Variants in ZMYM4 observed in about 807,000 individuals in gnomAD.
The protein encoded by ZMYM4 is zinc finger MYM-type containing 4, also known as zinc finger MYM-type protein 4.
Under a neutral mutation model 183.2 loss-of-function variants are expected in ZMYM4, and 31 were observed. The observed-to-expected ratio is 0.17, with a 90% CI of 0.13 to 0.23. ZMYM4 has a LOEUF of 0.23. Ranked by LOEUF, ZMYM4 falls within the 10% of genes least tolerant of loss-of-function variation. ZMYM4 has a pLI of 1.00. For missense variants in ZMYM4, 1,273 were observed against 1,840.3 expected, an observed-to-expected ratio of 0.69 and a Z score of 5.64; for synonymous variants, 592 against 631.2, an observed-to-expected ratio of 0.94 and a Z score of 0.93.
intron 2 of ZMYM4, among the ~76,000 whole-genome samples, chr1:35,348,975 A>G (rs186576651): frequency 2.0e-5 from 3 of 152,186 alleles, no homozygotes; most frequent in East Asian, 3.9e-4. Context: ...AAGATGGCCT[A>G]TATGGTTGTG....
At chr1:35,364,407 C>T (rs1254034568) in intron 5 of ZMYM4, among the ~76,000 whole-genome samples, 1 of 152,170 alleles carries the variant, frequency 6.6e-6, no homozygotes, top group East Asian at 1.9e-4. Flanking sequence ...CTAGAAATCC[C>T]CCAGAGCAGC....
chr1:35,411,791 G>T (rs1357996778), intron 26 of ZMYM4, among the ~76,000 whole-genome samples: 1 of 152,110 alleles, frequency 6.6e-6, no homozygotes, highest in African/African-American at 2.4e-5. Flanking sequence ...GTTTTTTGTG[G>T]TTTTAAGTGT....
chr1:35,417,956 G>C (rs985558877), intron 28 of ZMYM4, among the ~76,000 whole-genome samples: 3 of 151,976 alleles, frequency 2.0e-5, no homozygotes, highest in African/African-American at 7.3e-5. Flanking sequence ...TGCAGTGAGC[G>C]GAGATTTCGC....
At chr1:35,269,335 A>G (rs1400537050) in intron 1 of ZMYM4, among the ~76,000 whole-genome samples, 2 of 152,048 alleles carry the variant, frequency 1.3e-5, no homozygotes, top group Non-Finnish European at 2.9e-5. Flanking sequence ...GACGTTCCCC[A>G]GCACTGGGGT....
At chr1:35,399,145 A>G in intron 22 of ZMYM4, 102 bp downstream of exon 22, 1 of 1,199,886 alleles carries the variant, frequency 8.3e-7, no homozygotes, top group Non-Finnish European at 1.2e-6. Flanking sequence ...ATTGATAATA[A>G]CAGTGTAATG....
chr1:35,411,447 G>GC (rs1216478797), intron 26 of ZMYM4, among the ~76,000 whole-genome samples: 1 of 152,058 alleles, frequency 6.6e-6, no homozygotes, highest in African/African-American at 2.4e-5. Flanking sequence ...GAGCCACTGT[G>GC]CCCGGCCCTA....
chr1:35,346,650 C>CAAAAAAAA (rs746472685), intron 2 of ZMYM4, among the ~76,000 whole-genome samples: 3 of 54,160 alleles, frequency 5.5e-5, no homozygotes, highest in Non-Finnish European at 1.0e-4. Flanking sequence ...GACTCCATCT[C>CAAAAAAAA]AAAAAAAAAA....
At chr1:35,394,346 C>A (rs1045738713) in intron 18 of ZMYM4, among the ~76,000 whole-genome samples, 1 of 151,610 alleles carries the variant, frequency 6.6e-6, no homozygotes, top group Non-Finnish European at 1.5e-5. Flanking sequence ...TCCCAGTGTT[C>A]TTGGCCTGCT....
intron 5 of ZMYM4, among the ~76,000 whole-genome samples, chr1:35,363,163 T>C (rs991151296): frequency 6.6e-6 from 1 of 151,378 alleles, no homozygotes; most frequent in African/African-American, 2.4e-5. Context: ...AGAGTGAGAC[T>C]TTTTTTTTGG....
At chr1:35,279,073 G>T (rs1419972901) in intron 1 of ZMYM4, among the ~76,000 whole-genome samples, 1 of 152,140 alleles carries the variant, frequency 6.6e-6, no homozygotes, top group African/African-American at 2.4e-5. Flanking sequence ...TGCCCTCTGG[G>T]CCCATGGAGG....
chr1:35,324,267 T>C (rs544498316), intron 1 of ZMYM4, among the ~76,000 whole-genome samples: 7 of 152,210 alleles, frequency 4.6e-5, no homozygotes, highest in African/African-American at 1.4e-4. Flanking sequence ...AATTATCTTT[T>C]CCAACTTTTT....
At chr1:35,312,040 C>T (rs976506241) in intron 1 of ZMYM4, among the ~76,000 whole-genome samples, 2 of 152,152 alleles carry the variant, frequency 1.3e-5, no homozygotes, top group African/African-American at 4.8e-5. Flanking sequence ...TCATGAGCCA[C>T]CATACCCTGC....
At position 35,408,213 on chromosome 1, in the gene ZMYM4, A is replaced by G. The variant is rs991203880; in HGVS notation, c.3948+54A>G. ...ACCTAGCAAATCCATTGACCAGAAT[A>G]TGTCCCCACAGAAATTACATGCACA... is the stretch of plus-strand genomic sequence containing the variant. On this transcript the variant is annotated intron_variant, in intron 26 of 29. Transcript: ENST00000314607. 4 of 1,596,840 alleles carry G rather than the reference A, an allele frequency of 2.5e-6. No individual in the cohort carries two copies. The African/African-American group carries it at 4.0e-5, about 16-fold the overall frequency.
chr1:35,394,005 T>C (rs544857361), intron 18 of ZMYM4, among the ~76,000 whole-genome samples: 26 of 152,138 alleles, frequency 1.7e-4, no homozygotes, highest in South Asian at 4.1e-4. Flanking sequence ...TGTAATATTA[T>C]AGAATAAGCA....
At chr1:35,297,273 T>C (rs1641066395) in intron 1 of ZMYM4, among the ~76,000 whole-genome samples, 1 of 152,196 alleles carries the variant, frequency 6.6e-6, no homozygotes, top group African/African-American at 2.4e-5. Flanking sequence ...TTTGCACAAT[T>C]AAATTTTGCA....
At chr1:35,405,932 T>C (rs1644995326) in intron 25 of ZMYM4, among the ~76,000 whole-genome samples, 1 of 152,214 alleles carries the variant, frequency 6.6e-6, no homozygotes, top group African/African-American at 2.4e-5. Flanking sequence ...GTGTATAATT[T>C]TAAGGCCCAC....
intron 1 of ZMYM4, among the ~76,000 whole-genome samples, chr1:35,297,493 T>A (rs1275556408): frequency 3.4e-5 from 5 of 146,090 alleles, no homozygotes; most frequent in African/African-American, 1.0e-4. Flanking sequence ...AAAAAAAAAA[T>A]GTATATATAT....
At chr1:35,290,557 A>C (rs893563642) in intron 1 of ZMYM4, among the ~76,000 whole-genome samples, 1 of 151,932 alleles carries the variant, frequency 6.6e-6, no homozygotes. Context: ...TGCCTCTCCA[A>C]TAGCTAGGAC....
chr1:35,301,545 CAAA>C (rs531815209), intron 1 of ZMYM4, among the ~76,000 whole-genome samples: 6 of 80,614 alleles, frequency 7.4e-5, no homozygotes, highest in African/African-American at 4.8e-5. Flanking sequence ...GAGGGTGTCT[CAAA>C]AAAAAAAAAA....
Sources: gnomAD v4.1 joint callset for allele counts (sites outside exome capture counted in the v4.1 genomes callset) on GRCh38, gnomAD v4.1.1 for gene constraint, MANE v1.5 for transcripts, NCBI Gene and HGNC (gene_info 2026-07-23, HGNC 2026-07-21) for gene names.